UBXN2A: variants seen among roughly 807,000 people sequenced by gnomAD.
UBXN2A encodes UBX domain-containing protein 2A.
UBXN2A carries 28 observed loss-of-function variants against 28.4 expected under a neutral mutation model. The observed-to-expected ratio is 0.99, with a 90% CI of 0.73 to 1.35. The LOEUF (loss-of-function observed/expected upper bound fraction) is 1.35. Among genes scored for constraint, UBXN2A ranks in the 40% most tolerant of loss-of-function variants. The pLI is 0.00. For synonymous variants in UBXN2A, 97 were observed against 103.6 expected (o/e 0.94, Z 0.39); for missense variants, 253 against 297.9 (o/e 0.85, Z 1.11).
intron 1 of UBXN2A, among the ~76,000 whole-genome samples, chr2:23,946,854 A>G (rs890678858): frequency 1.3e-4 from 20 of 151,594 alleles, no homozygotes; most frequent in African/African-American, 4.6e-4. Flanking sequence ...ACAGTCTCCC[A>G]AGTCAGAAGA....
chr2:23,936,714 C>T (rs1450338682), upstream of UBXN2A, among the ~76,000 whole-genome samples: 2 of 152,136 alleles, frequency 1.3e-5, no homozygotes, highest in East Asian at 3.9e-4. Flanking sequence ...AAGAAGCCCA[C>T]TCTCATCATT....
chr2:23,956,639 C>T (rs562185530), intron 1 of UBXN2A, among the ~76,000 whole-genome samples: 1 of 152,314 alleles, frequency 6.6e-6, no homozygotes, highest in East Asian at 1.9e-4. Flanking sequence ...AGACGTGAGC[C>T]ACCACACCTG....
rs1708758722 is a variant in UBXN2A, at chr2:24,003,876, A to G, written c.*4009A>G. 6.6e-6 allele frequency: 1 copy of G among 152,202 alleles called. No homozygotes were observed. The highest frequency in any genetic ancestry group is 1.5e-5 in the Non-Finnish European group (1 of 68,036). 9.4% of individuals were successfully genotyped at this position (152,202 alleles called of 1,614,324 possible). On this transcript the variant is annotated 3_prime_UTR_variant, in exon 7 of 7. Coordinates refer to ENST00000309033, the MANE Select transcript of UBXN2A (RefSeq NM_181713.4). ...ATGTAGCATTTTTATTTGCATAATT[A>G]TAGTCAACATATGATTCTCCATGTA...
At chr2:23,961,483 T>C (rs1706906706) in intron 2 of UBXN2A, among the ~76,000 whole-genome samples, 1 of 151,956 alleles carries the variant, frequency 6.6e-6, no homozygotes, top group African/African-American at 2.4e-5. Flanking sequence ...AAAAGTGGAT[T>C]TGTAAAAATG....
At chr2:23,985,140 G>C (rs577774833) in intron 6 of UBXN2A, among the ~76,000 whole-genome samples, 26 of 152,146 alleles carry the variant, frequency 1.7e-4, no homozygotes, top group African/African-American at 6.0e-4. Flanking sequence ...GTCTCACTGT[G>C]TTGCCCACAC....
chr2:23,970,623 T>C (rs1412642076), intron 2 of UBXN2A, among the ~76,000 whole-genome samples: 1 of 152,076 alleles, frequency 6.6e-6, no homozygotes, highest in East Asian at 1.9e-4. Flanking sequence ...GCACATTACA[T>C]TTATTTGCAC....
intron 6 of UBXN2A, among the ~76,000 whole-genome samples, chr2:23,985,374 A>C (rs949290386): frequency 6.6e-6 from 1 of 151,978 alleles, no homozygotes; most frequent in African/African-American, 2.4e-5. Flanking sequence ...TCAGCGTCCA[A>C]TGTAGCTGGG....
intron 1 of UBXN2A, among the ~76,000 whole-genome samples, chr2:23,953,972 A>C (rs1488921663): frequency 6.6e-6 from 1 of 152,124 alleles, no homozygotes. Context: ...GCCTAGATTC[A>C]TTATTGCATT....
chr2:23,937,641 C>T (rs1215919898), upstream of UBXN2A, among the ~76,000 whole-genome samples: 2 of 152,132 alleles, frequency 1.3e-5, no homozygotes, highest in Non-Finnish European at 2.9e-5. Flanking sequence ...TAAATCAACT[C>T]CTTTTACAAT....
At chr2:23,953,119 C>A (rs1376575934) in intron 1 of UBXN2A, among the ~76,000 whole-genome samples, 1 of 151,948 alleles carries the variant, frequency 6.6e-6, no homozygotes, top group African/African-American at 2.4e-5. Flanking sequence ...GGATTCAAAT[C>A]TTTGAAATTA....
intron 3 of UBXN2A, 29 bp downstream of exon 3, chr2:23,971,443 T>G: frequency 6.7e-7 from 1 of 1,501,212 alleles, no homozygotes; most frequent in Non-Finnish European, 9.0e-7. Flanking sequence ...CTTTTCTTTT[T>G]CTTTCAGTGT....
At chr2:23,951,038 TC>T (rs1706337815) in intron 1 of UBXN2A, among the ~76,000 whole-genome samples, 1 of 152,174 alleles carries the variant, frequency 6.6e-6, no homozygotes, top group South Asian at 2.1e-4. Flanking sequence ...TTGTGGTGTT[TC>T]AGTACTTATG....
At chr2:23,928,620 C>T (rs1422735616) in intron 1 of UBXN2A, among the ~76,000 whole-genome samples, 8 of 152,152 alleles carry the variant, frequency 5.3e-5, no homozygotes, top group Non-Finnish European at 1.0e-4. Flanking sequence ...ACATAGCCTA[C>T]TGTTTATTGG....
intron 1 of UBXN2A, among the ~76,000 whole-genome samples, chr2:23,949,423 T>C (rs1249592032): frequency 1.3e-5 from 2 of 151,652 alleles, no homozygotes; most frequent in Non-Finnish European, 2.9e-5. Flanking sequence ...TACAAAACAT[T>C]AGCCGGGCGT....
At chr2:23,962,874 T>G (rs1301541528) in intron 2 of UBXN2A, among the ~76,000 whole-genome samples, 1 of 152,118 alleles carries the variant, frequency 6.6e-6, no homozygotes, top group African/African-American at 2.4e-5. Flanking sequence ...CATCCCAAAG[T>G]GCTGGGATTA....
intron 1 of UBXN2A, among the ~76,000 whole-genome samples, chr2:23,957,034 T>C (rs1200739963): frequency 1.3e-5 from 2 of 152,242 alleles, no homozygotes; most frequent in African/African-American, 4.8e-5. Context: ...AAATTACTTA[T>C]AATACCTGAT....
chr2:23,938,798 A>G (rs1705615912), upstream of UBXN2A, among the ~76,000 whole-genome samples: 1 of 152,220 alleles, frequency 6.6e-6, no homozygotes, highest in Non-Finnish European at 1.5e-5. Flanking sequence ...AAATAAATTT[A>G]TACATCCATG....
At chr2:23,954,735 C>T (rs1336600618) in intron 1 of UBXN2A, among the ~76,000 whole-genome samples, 1 of 149,950 alleles carries the variant, frequency 6.7e-6, no homozygotes, top group Non-Finnish European at 1.5e-5. Context: ...TCACACAAGT[C>T]CTTTGCCCAT....
At position 23,984,753 on chromosome 2, in the gene UBXN2A, A is replaced by C; in HGVS notation, c.506A>C (p.Asn169Thr). 1 of 1,571,120 alleles carries C rather than the reference A, an allele frequency of 6.4e-7. No homozygotes were observed. The highest frequency in any genetic ancestry group is 1.2e-5 in the South Asian group (1 of 82,292). ...AATTTGTCTGCTGTTCCACTGAACA[A>C]CTTGGAACCCATTACTAATATACAG... Reference protein sequence around the residue: ...KNNLSAVPLNNLEPITNIQIW... With the variant: ...KNNLSAVPLNTLEPITNIQIW... The change falls in exon 6 of 7, where the codon AAC (asparagine) becomes ACC (threonine). Residue 169 changes from asparagine (N) to threonine (T), a missense_variant. Transcript: ENST00000309033.
Sources: gnomAD v4.1 joint callset for allele counts (sites outside exome capture counted in the v4.1 genomes callset) on GRCh38, gnomAD v4.1.1 for gene constraint, MANE v1.5 for transcripts, NCBI Gene and HGNC (gene_info 2026-07-23, HGNC 2026-07-21) for gene names.